GALNT9: variants seen among roughly 807,000 people sequenced by gnomAD.
GALNT9 encodes the protein GalNAc transferase 9.
A neutral mutation model predicts 63.1 loss-of-function variants in GALNT9; 47 were observed. The observed-to-expected ratio is 0.75, with a 90% CI of 0.59 to 0.95. The LOEUF (loss-of-function observed/expected upper bound fraction) is 0.95, where lower values mean the gene tolerates loss of function less well. GALNT9 is among the 40% of genes least tolerant of loss of function. The pLI is 0.00. For synonymous variants in GALNT9, 396 were observed against 365.7 expected, an observed-to-expected ratio of 1.08 and a Z score of -0.94; for missense variants, 829 against 874.8, an observed-to-expected ratio of 0.95 and a Z score of 0.66.
In GALNT9 at chr12:132,256,214, C is replaced by T. The variant is rs575415631; in HGVS notation, c.959+1475G>A. Among the ~76,000 whole-genome samples, 384 of 152,226 alleles carry T rather than the reference C, an allele frequency of 2.5e-3. 3 individuals are homozygous for T. The highest frequency in any genetic ancestry group is 8.3e-3 in the African/African-American group (344 of 41,538). ...GGAACTGTCCCAGGCAGGCCCCTTC[C>T]CTGTGAGCCCCGACCCTCAGCCTCC... On this transcript the variant is annotated intron_variant, in intron 5 of 10. Coordinates refer to ENST00000328957, the MANE Select transcript of GALNT9 (RefSeq NM_001122636.2).
chr12:132,291,410 A>C (rs374928068), intron 1 of GALNT9, among the ~76,000 whole-genome samples: 14,083 of 27,506 alleles, frequency 0.51, 2,621 homozygotes, highest in African/African-American at 0.63. Flanking sequence ...TCCACAGCGC[A>C]CACGTCCACA....
chr12:132,226,965 TATACACACCCCACACTGTAC>T (rs1332969896), intron 6 of GALNT9, among the ~76,000 whole-genome samples: 1 of 141,234 alleles, frequency 7.1e-6, no homozygotes, highest in Non-Finnish European at 1.5e-5. Context: ...ATACACACTG[TATACACACCCCACACTGTAC>T]ATACACACCC....
rs1881774068 is a variant in GALNT9 at position 132,310,470 on chromosome 12, T to G, written c.238+18496A>C. Among the ~76,000 whole-genome samples, 1 of 152,110 alleles carries G rather than the reference T, an allele frequency of 6.6e-6. No homozygotes were observed. The highest frequency in any genetic ancestry group is 2.1e-4 in the South Asian group (1 of 4,798). On this transcript the variant is annotated intron_variant, in intron 1 of 10. Transcript: ENST00000328957. The surrounding 1 kb of genome is among the most constrained non-coding windows in gnomAD (Gnocchi z 4.8). ...ACGGGGCCGGCCATCTCCTGGAGGC[T>G]GAGAGCCCTCCGGGAAAGCAGGCAT...
Position 132,327,964 on chromosome 12 carries a change from C to T in GALNT9, c.238+1002G>A, listed in dbSNP as rs1444081214. Among the ~76,000 whole-genome samples the T allele has an allele frequency of 6.6e-6, 1 of 152,214 alleles. No homozygotes were observed. Among genetic ancestry groups the T allele is most frequent in the Non-Finnish European group, 1.5e-5 (1 of 68,044 alleles). ...CGTAACCCCAGCTCCCGTCACCTCC[C>T]ACTCGAGCCTGTTACGGATGCTTTC... On this transcript the variant is annotated intron_variant, in intron 1 of 10. Transcript: ENST00000328957. The surrounding 1 kb of genome is among the most constrained non-coding windows in gnomAD (Gnocchi z 4.3).
rs955761645 is a variant in GALNT9, at chr12:132,327,453, G to A, written c.238+1513C>T. ...CGACTCACAGGGCCGAGCTGCCCTC[G>A]TGGTGTTACACAACCTCAGTGTGCT... On this transcript the variant is annotated intron_variant, in intron 1 of 10. Coordinates refer to ENST00000328957, the MANE Select transcript of GALNT9 (RefSeq NM_001122636.2). This position sits in a 1 kb window ranked among gnomAD's most constrained non-coding sequence, Gnocchi z 4.3. 7.9e-5 allele frequency among the ~76,000 whole-genome samples: 12 copies of A among 152,008 alleles called. No individual in the cohort carries two copies. In the South Asian group the frequency reaches 2.3e-3, roughly 29 times the overall value.
At chr12:132,223,146 CCACACAACCCACACA>C in intron 6 of GALNT9, among the ~76,000 whole-genome samples, 4 of 23,308 alleles carry the variant, frequency 1.7e-4, no homozygotes, top group Non-Finnish European at 5.1e-4. Context: ...CACACACACA[CCACACAACCCACACA>C]CCACACAACC....
At chr12:132,308,654 G>A (rs1225207683) in intron 1 of GALNT9, among the ~76,000 whole-genome samples, 4 of 152,170 alleles carry the variant, frequency 2.6e-5, no homozygotes, top group East Asian at 1.9e-4. Context: ...AGAGGGGCCC[G>A]GGACCCACCT....
chr12:132,246,969 A>G lies in GALNT9; in HGVS notation c.1077+941T>C, dbSNP rs1183378510. On this transcript the variant is annotated intron_variant, in intron 6 of 10. Transcript: ENST00000328957. The surrounding 1 kb of genome is among the most constrained non-coding windows in gnomAD (Gnocchi z 4.7). Reference sequence around the variant, plus strand: ...GCAAGCTTACAGCACAGGTTTTGAAAGGTGCAACTTAATAAACTACATATA... The same window carrying G: ...GCAAGCTTACAGCACAGGTTTTGAAGGGTGCAACTTAATAAACTACATATA... Among the ~76,000 whole-genome samples, 4 of 152,236 alleles carry G rather than the reference A, an allele frequency of 2.6e-5. No individual in the cohort carries two copies. Among genetic ancestry groups the G allele is most frequent in the Admixed American group, 2.6e-4 (4 of 15,292 alleles).
intron 4 of GALNT9, 116 bp from the exon 5 acceptor site, chr12:132,258,002 C>A: frequency 1.4e-6 from 1 of 705,494 alleles, no homozygotes; most frequent in Non-Finnish European, 2.4e-6. Flanking sequence ...TCTAGCCCTG[C>A]CACCCCCTGC....
chr12:132,217,588 TCATCCATCCATCCATC>T (rs57858233), intron 6 of GALNT9, among the ~76,000 whole-genome samples: 1 of 141,298 alleles, frequency 7.1e-6, no homozygotes, highest in Non-Finnish European at 1.5e-5. Context: ...CATCCCCCAC[TCATCCATCCATCCATC>T]CATCCAGCCA....
At chr12:132,251,775 C>G (rs1327928582) in intron 5 of GALNT9, among the ~76,000 whole-genome samples, 2 of 152,186 alleles carry the variant, frequency 1.3e-5, no homozygotes, top group Non-Finnish European at 2.9e-5. Context: ...CTCAGGTGGG[C>G]AGGCCTGGTG....
At chr12:132,270,322 A>C (rs1382770520) in intron 2 of GALNT9, among the ~76,000 whole-genome samples, 3 of 152,338 alleles carry the variant, frequency 2.0e-5, no homozygotes, top group Non-Finnish European at 2.9e-5. Context: ...TACGATCACC[A>C]GGAACCTCCT....
At chr12:132,278,223 C>T (rs28502206) in intron 2 of GALNT9, 1,946 of 152,332 alleles carry the variant, frequency 0.013, 35 homozygotes, top group South Asian at 0.097. Flanking sequence ...AACCTCCTTC[C>T]CACCACAGCG....
chr12:132,210,308 G>A (rs1320635341), intron 6 of GALNT9, among the ~76,000 whole-genome samples: 5 of 152,386 alleles, frequency 3.3e-5, no homozygotes, highest in Non-Finnish European at 5.9e-5. Flanking sequence ...GCCTGGCAAA[G>A]GGCCTGCGGG....
intron 6 of GALNT9, among the ~76,000 whole-genome samples, chr12:132,239,883 C>G (rs117386236): frequency 2.6e-5 from 4 of 151,930 alleles, no homozygotes; most frequent in African/African-American, 4.8e-5. Context: ...GAGAGACAGA[C>G]CACAGAGAGA....
In GALNT9 at chr12:132,197,234, C is replaced by T. The variant is rs374716980; in HGVS notation, c.1685G>A (p.Arg562Gln). 9.9e-6 allele frequency: 16 copies of T among 1,612,484 alleles called. No individual in the cohort carries two copies. The highest frequency in any genetic ancestry group is 2.7e-5 in the African/African-American group (2 of 74,890). ...CACCTCCAGGCAGCGGCCCGTGGCC[C>T]GGCTCACAATGGGGCCACTCTGTGG... ...DFTQSGPIVS[R>Q]ATGRCLEVEM... Residue 562 changes from arginine to glutamine, a missense_variant, in exon 11 of 11, where the codon CGG becomes CAG. Physicochemically the swap from Arg to Gln is conservative, Grantham distance 43. Coordinates refer to ENST00000328957, the MANE Select transcript of GALNT9 (RefSeq NM_001122636.2).
At chr12:132,278,177 C>T (rs1159668309) in intron 2 of GALNT9, 3 of 152,160 alleles carry the variant, frequency 2.0e-5, no homozygotes, top group African/African-American at 7.2e-5. Context: ...CCGTCCAGGG[C>T]TTCGCTAGGG....
chr12:132,240,966 TA>T, intron 6 of GALNT9, among the ~76,000 whole-genome samples: 3 of 137,380 alleles, frequency 2.2e-5, no homozygotes, highest in Non-Finnish European at 4.6e-5. Context: ...GCCCTCCCTA[TA>T]CCCATTACAC....
intron 1 of GALNT9, among the ~76,000 whole-genome samples, chr12:132,287,878 T>C (rs1880665711): frequency 6.6e-6 from 1 of 152,082 alleles, no homozygotes; most frequent in Admixed American, 6.5e-5. Flanking sequence ...CACCATTGGC[T>C]GTCTCTGAGC....
Sources: allele counts gnomAD v4.1 joint callset (sites outside exome capture counted in the v4.1 genomes callset), GRCh38; gene constraint gnomAD v4.1.1; non-coding constraint Gnocchi (gnomAD v3.1); transcripts MANE v1.5; gene names NCBI Gene and HGNC (gene_info 2026-07-23, HGNC 2026-07-21).